The following RABGAP1L variants were observed in gnomAD, a reference collection of about 807,000 sequenced individuals.
RABGAP1L encodes RAB GTPase activating protein 1 like, also known as rab GTPase-activating protein 1-like.
Under a neutral mutation model 137.7 loss-of-function variants are expected in RABGAP1L, and 63 were observed. The ratio of observed to expected loss-of-function variants is 0.46; its 90% CI spans 0.37 to 0.56. RABGAP1L has a LOEUF of 0.56. Ranked by LOEUF, RABGAP1L falls within the 20% of genes least tolerant of loss-of-function variation. RABGAP1L has a pLI of 0.00. For synonymous variants in RABGAP1L, 431 were observed against 433.7 expected (o/e 0.99, Z 0.08); for missense variants, 1,095 against 1,244.0 (o/e 0.88, Z 1.80).
At chr1:174,357,031 C>G (rs900804615) in intron 11 of RABGAP1L, among the ~76,000 whole-genome samples, 2 of 152,030 alleles carry the variant, frequency 1.3e-5, no homozygotes, top group African/African-American at 4.8e-5. Context: ...CTGTGTAGTA[C>G]TGGTTTTTGA....
intron 7 of RABGAP1L, among the ~76,000 whole-genome samples, chr1:174,258,997 T>C (rs1673352794): frequency 6.6e-6 from 1 of 151,944 alleles, no homozygotes; most frequent in South Asian, 2.1e-4. Context: ...CTTAGTTGTC[T>C]GGGCTGGTCC....
chr1:174,377,310 A>G (rs768295211), intron 12 of RABGAP1L, among the ~76,000 whole-genome samples: 4 of 152,224 alleles, frequency 2.6e-5, no homozygotes, highest in African/African-American at 4.8e-5. Context: ...TGCATTTCCA[A>G]TAAAAATCTC....
chr1:174,185,190 G>C (rs1028693933), intron 1 of RABGAP1L, among the ~76,000 whole-genome samples: 1 of 152,184 alleles, frequency 6.6e-6, no homozygotes, highest in East Asian at 1.9e-4. Flanking sequence ...GCAAAATATG[G>C]GGACACCTTA....
At chr1:174,877,373 T>A in intron 19 of RABGAP1L, 40 of 1,238,974 alleles carry the variant, frequency 3.2e-5, no homozygotes, top group East Asian at 1.4e-4. Flanking sequence ...TTTTTGACAC[T>A]CCACCCCCTC....
chr1:174,426,833 A>G (rs576835377), intron 13 of RABGAP1L, among the ~76,000 whole-genome samples: 25 of 152,218 alleles, frequency 1.6e-4, no homozygotes, highest in African/African-American at 5.5e-4. Flanking sequence ...TACTATTTGA[A>G]TAAGTGTTGC....
chr1:174,431,813 C>T (rs902724019), intron 13 of RABGAP1L, among the ~76,000 whole-genome samples: 1 of 152,016 alleles, frequency 6.6e-6, no homozygotes, highest in African/African-American at 2.4e-5. Context: ...CCTAGGCTAC[C>T]AAATATTAAA....
At chr1:174,969,647 A>G (rs901540358) in intron 21 of RABGAP1L, among the ~76,000 whole-genome samples, 1 of 152,238 alleles carries the variant, frequency 6.6e-6, no homozygotes, top group African/African-American at 2.4e-5. Context: ...TCCTGAACCA[A>G]TGGCTGTCAG....
chr1:174,450,814 C>T (rs1329864890), intron 13 of RABGAP1L, among the ~76,000 whole-genome samples: 1 of 152,168 alleles, frequency 6.6e-6, no homozygotes, highest in East Asian at 1.9e-4. Flanking sequence ...TATTTTTCTT[C>T]TCAGCATTTT....
At chr1:174,577,327 A>G (rs752264023) in intron 13 of RABGAP1L, among the ~76,000 whole-genome samples, 4 of 151,236 alleles carry the variant, frequency 2.6e-5, no homozygotes, top group East Asian at 1.9e-4. Flanking sequence ...ATATTTATAT[A>G]TATATATAGT....
intron 10 of RABGAP1L, among the ~76,000 whole-genome samples, chr1:174,286,448 C>A (rs1676057494): frequency 6.6e-6 from 1 of 151,282 alleles, no homozygotes; most frequent in African/African-American, 2.4e-5. Flanking sequence ...TATTTGAGTC[C>A]TCTCTCTTTT....
At chr1:174,636,947 A>G (rs995236285) in intron 13 of RABGAP1L, among the ~76,000 whole-genome samples, 1 of 152,222 alleles carries the variant, frequency 6.6e-6, no homozygotes, top group Non-Finnish European at 1.5e-5. Flanking sequence ...GAGAATGTTC[A>G]GTAAATTATG....
chr1:174,887,574 C>T (rs1278118287), intron 19 of RABGAP1L, among the ~76,000 whole-genome samples: 2 of 149,982 alleles, frequency 1.3e-5, no homozygotes. Context: ...GTTATCTCAA[C>T]CTGATCCATA....
At chr1:174,383,340 T>C (rs1428927170) in intron 12 of RABGAP1L, among the ~76,000 whole-genome samples, 1 of 151,666 alleles carries the variant, frequency 6.6e-6, no homozygotes, top group Non-Finnish European at 1.5e-5. Flanking sequence ...TCCTGGCTGC[T>C]TTGTTTACCT....
intron 18 of RABGAP1L, among the ~76,000 whole-genome samples, chr1:174,809,080 A>C (rs1271675386): frequency 6.6e-6 from 1 of 152,236 alleles, no homozygotes; most frequent in Non-Finnish European, 1.5e-5. Flanking sequence ...AACCCTGAGT[A>C]CCTTTAATGT....
intron 19 of RABGAP1L, among the ~76,000 whole-genome samples, chr1:174,900,575 T>A (rs917863130): frequency 3.9e-5 from 6 of 152,166 alleles, no homozygotes; most frequent in Non-Finnish European, 8.8e-5. Flanking sequence ...TTGATATAAT[T>A]TTAGGACATT....
chr1:174,918,102 A>G (rs1407850438), intron 19 of RABGAP1L, among the ~76,000 whole-genome samples: 1 of 131,184 alleles, frequency 7.6e-6, no homozygotes, highest in Non-Finnish European at 1.5e-5. Context: ...ATAATAATAT[A>G]AGAGGCCTTT....
chr1:174,506,470 A>G (rs1354111655), intron 13 of RABGAP1L, among the ~76,000 whole-genome samples: 1 of 152,218 alleles, frequency 6.6e-6, no homozygotes, highest in Non-Finnish European at 1.5e-5. Context: ...TTAGAAATAT[A>G]TATGTAAATA....
intron 13 of RABGAP1L, among the ~76,000 whole-genome samples, chr1:174,506,211 A>G (rs1019869039): frequency 1.3e-5 from 2 of 152,220 alleles, no homozygotes; most frequent in African/African-American, 4.8e-5. Context: ...CAAGAGATCT[A>G]TTGTATATCA....
chr1:174,660,893 T>C (rs1676326374), intron 14 of RABGAP1L, among the ~76,000 whole-genome samples: 1 of 152,198 alleles, frequency 6.6e-6, no homozygotes, highest in South Asian at 2.1e-4. Context: ...CTTATTGCCT[T>C]CAAAGATACT....
Sources: gnomAD v4.1 joint callset for allele counts (sites outside exome capture counted in the v4.1 genomes callset) on GRCh38, gnomAD v4.1.1 for gene constraint, MANE v1.5 for transcripts, NCBI Gene and HGNC (gene_info 2026-07-23, HGNC 2026-07-21) for gene names.